Variants in CSMD1 observed in about 807,000 individuals in gnomAD.
The protein encoded by CSMD1 is CUB and sushi domain-containing protein 1.
In CSMD1, 213 loss-of-function variants were observed where a neutral mutation model predicts 417.5. That is an observed-to-expected ratio of 0.51 (90% CI 0.46 to 0.57). CSMD1 has a LOEUF of 0.57. Ranked by LOEUF, CSMD1 falls within the 20% of genes least tolerant of loss-of-function variation. CSMD1 has a pLI of 0.00. For synonymous variants in CSMD1, 2,862 were observed against 1,736.8 expected, an observed-to-expected ratio of 1.65 and a Z score of -16.11; for missense variants, 6,923 against 4,529.7, an observed-to-expected ratio of 1.53 and a Z score of -15.17.
intron 1 of CSMD1, among the ~76,000 whole-genome samples, chr8:4,981,524 G>A (rs1397259770): frequency 2.0e-5 from 3 of 152,186 alleles, no homozygotes; most frequent in Admixed American, 6.5e-5. Context: ...TTAATGCACT[G>A]CTTTCAATCA....
chr8:4,542,689 G>C (rs1797446083), intron 2 of CSMD1, among the ~76,000 whole-genome samples: 4 of 152,126 alleles, frequency 2.6e-5, no homozygotes. Flanking sequence ...GCAGAAGATA[G>C]TTTGAATCTA....
chr8:4,414,864 G>A (rs753907116), intron 3 of CSMD1, among the ~76,000 whole-genome samples: 15 of 152,126 alleles, frequency 9.9e-5, no homozygotes, highest in Non-Finnish European at 1.9e-4. Context: ...CAGAGAGTAG[G>A]CATATGAGGT....
intron 57 of CSMD1, among the ~76,000 whole-genome samples, chr8:2,971,073 T>G (rs758750171): frequency 6.6e-6 from 1 of 152,214 alleles, no homozygotes; most frequent in Non-Finnish European, 1.5e-5. Flanking sequence ...TATATCAGTA[T>G]GTATTTCCTA....
intron 3 of CSMD1, among the ~76,000 whole-genome samples, chr8:4,071,610 T>C (rs989242475): frequency 6.6e-6 from 1 of 152,202 alleles, no homozygotes; most frequent in Non-Finnish European, 1.5e-5. Flanking sequence ...TTGGGGGCCT[T>C]TTAGTTTTTA....
At chr8:3,398,204 C>A (rs990514109) in intron 16 of CSMD1, among the ~76,000 whole-genome samples, 1 of 152,214 alleles carries the variant, frequency 6.6e-6, no homozygotes, top group African/African-American at 2.4e-5. Flanking sequence ...GGAGTCAGGG[C>A]GTGCTTCAGC....
chr8:4,406,171 T>C (rs1585026228), intron 3 of CSMD1, among the ~76,000 whole-genome samples: 1 of 152,208 alleles, frequency 6.6e-6, no homozygotes, highest in Admixed American at 6.5e-5. Flanking sequence ...AATTTAGATA[T>C]GCTGAGTAGG....
chr8:3,763,183 G>C (rs1216695144), intron 5 of CSMD1, among the ~76,000 whole-genome samples: 1 of 152,140 alleles, frequency 6.6e-6, no homozygotes, highest in Non-Finnish European at 1.5e-5. Context: ...AGAGCCCTAG[G>C]CCAGTCCCAC....
At chr8:3,118,990 C>T (rs1817029540) in intron 41 of CSMD1, among the ~76,000 whole-genome samples, 1 of 152,138 alleles carries the variant, frequency 6.6e-6, no homozygotes, top group Non-Finnish European at 1.5e-5. Context: ...ACCATCCTGG[C>T]TAACACAGTA....
At chr8:4,288,733 G>T (rs766012090) in intron 3 of CSMD1, among the ~76,000 whole-genome samples, 11 of 152,140 alleles carry the variant, frequency 7.2e-5, no homozygotes, top group Non-Finnish European at 1.3e-4. Flanking sequence ...ATGATTCCAA[G>T]ATCTCTCAGA....
chr8:3,424,433 C>T (rs970196116), intron 12 of CSMD1, among the ~76,000 whole-genome samples: 5 of 152,116 alleles, frequency 3.3e-5, no homozygotes, highest in Non-Finnish European at 5.9e-5. Context: ...CAAGGTAGCA[C>T]GTCTAGTCTG....
At chr8:4,862,012 T>C (rs1435984699) in intron 1 of CSMD1, among the ~76,000 whole-genome samples, 1 of 152,076 alleles carries the variant, frequency 6.6e-6, no homozygotes, top group Non-Finnish European at 1.5e-5. Flanking sequence ...AGTAGGATTT[T>C]GGAGTTACTG....
At chr8:3,336,966 C>T (rs945808145) in intron 23 of CSMD1, among the ~76,000 whole-genome samples, 42 of 152,098 alleles carry the variant, frequency 2.8e-4, no homozygotes, top group African/African-American at 7.5e-4. Flanking sequence ...GGAGACTGAC[C>T]TTATGCCAGT....
intron 1 of CSMD1, among the ~76,000 whole-genome samples, chr8:4,891,748 C>A (rs1290425388): frequency 6.6e-6 from 1 of 152,066 alleles, no homozygotes; most frequent in Non-Finnish European, 1.5e-5. Flanking sequence ...TTAATTATTT[C>A]CCAAAACTCC....
At chr8:3,061,629 T>C (rs891706930) in intron 49 of CSMD1, among the ~76,000 whole-genome samples, 9 of 152,046 alleles carry the variant, frequency 5.9e-5, no homozygotes, top group Admixed American at 1.3e-4. Context: ...CCATATACAA[T>C]AAAGCACTGA....
chr8:4,112,479 G>C (rs1801908451), intron 3 of CSMD1, among the ~76,000 whole-genome samples: 1 of 152,116 alleles, frequency 6.6e-6, no homozygotes. Context: ...CCACCCTCCT[G>C]CCAATGGAGT....
At position 3,768,043 on chromosome 8, in the gene CSMD1, T is replaced by C. The variant is rs1798380074; in HGVS notation, c.819-14001A>G. Among the ~76,000 whole-genome samples, 4 of 152,252 alleles carry C rather than the reference T, an allele frequency of 2.6e-5. No homozygotes were observed. The South Asian group carries it at 8.3e-4, about 32-fold the overall frequency. On this transcript the variant is annotated intron_variant, in intron 5 of 69. Transcript: ENST00000635120. ...CACCAGGTATACAAAACAGAATCAATCTTTGACCCCGAGTATAGACAGCTA... is the reference window on the plus strand; with the variant it reads ...CACCAGGTATACAAAACAGAATCAACCTTTGACCCCGAGTATAGACAGCTA...
At chr8:3,461,911 C>T (rs1480700238) in intron 12 of CSMD1, among the ~76,000 whole-genome samples, 1 of 152,198 alleles carries the variant, frequency 6.6e-6, no homozygotes, top group South Asian at 2.1e-4. Flanking sequence ...GCCAACTAGC[C>T]CAGCTGAGAG....
intron 5 of CSMD1, among the ~76,000 whole-genome samples, chr8:3,803,478 C>T (rs960567685): frequency 1.3e-5 from 2 of 152,192 alleles, no homozygotes; most frequent in Non-Finnish European, 2.9e-5. Flanking sequence ...ATTACTGCTT[C>T]AGAGGCTGAA....
intron 2 of CSMD1, among the ~76,000 whole-genome samples, chr8:4,600,804 T>G (rs1426243260): frequency 6.6e-6 from 1 of 152,146 alleles, no homozygotes; most frequent in African/African-American, 2.4e-5. Flanking sequence ...AAGAAATCAA[T>G]CTCTCAATCT....
Sources: allele counts gnomAD v4.1 joint callset (sites outside exome capture counted in the v4.1 genomes callset), GRCh38; gene constraint gnomAD v4.1.1; transcripts MANE v1.5; gene names NCBI Gene and HGNC (gene_info 2026-07-23, HGNC 2026-07-21).